LCLAT1: variants seen among roughly 807,000 people sequenced by gnomAD.
The protein encoded by LCLAT1 is 1-AGP acyltransferase 8.
A neutral mutation model predicts 30.7 loss-of-function variants in LCLAT1; 11 were observed. The observed-to-expected ratio is 0.36, with a 90% CI of 0.23 to 0.59. The LOEUF (loss-of-function observed/expected upper bound fraction) is 0.59. Ranked by LOEUF, LCLAT1 falls within the 20% of genes least tolerant of loss-of-function variation. The probability of loss-of-function intolerance (pLI) is 0.77; values close to 1 mark genes in which losing one functional copy is unlikely to be tolerated. For synonymous variants in LCLAT1, 155 were observed against 151.3 expected (o/e 1.02, Z -0.18); for missense variants, 402 against 458.6 (o/e 0.88, Z 1.13).
At chr2:30,549,903 T>A (rs1664605193) in intron 3 of LCLAT1, among the ~76,000 whole-genome samples, 1 of 152,226 alleles carries the variant, frequency 6.6e-6, no homozygotes, top group Non-Finnish European at 1.5e-5. Flanking sequence ...AGTGTTACAC[T>A]GTTGTGTAAT....
chr2:30,491,952 A>G lies in LCLAT1; in HGVS notation c.-4-33635A>G, dbSNP rs138949548. Among the ~76,000 whole-genome samples the G allele has an allele frequency of 4.9e-3, 741 of 152,336 alleles. 18 individuals are homozygous for G. Among genetic ancestry groups the G allele is most frequent in the Admixed American group, 0.038 (578 of 15,298 alleles). ...AAGCTTTAATTGCAAAAAAGATAAA[A>G]TGTGTGTTTTAAACGTTTTTATTCC... On this transcript the variant is annotated intron_variant, in intron 1 of 5. Transcript: ENST00000379509.
chr2:30,579,499 T>A lies in LCLAT1; in HGVS notation c.628+11323T>A, dbSNP rs146674223. Among the ~76,000 whole-genome samples the A allele has an allele frequency of 7.7e-3, 1,169 of 152,266 alleles. 13 individuals carry two copies. The highest frequency in any genetic ancestry group is 0.027 in the African/African-American group (1,108 of 41,556). On this transcript the variant is annotated intron_variant, in intron 5 of 5. Coordinates refer to ENST00000379509, the MANE Select transcript of LCLAT1 (RefSeq NM_001002257.3). ...TATGCATAAATTTGGGAGGTTAGTA[T>A]ATGATCCGGTGTCACAGAAACAGCA...
At chr2:30,559,510 G>T (rs539887612) in intron 3 of LCLAT1, among the ~76,000 whole-genome samples, 19 of 152,192 alleles carry the variant, frequency 1.2e-4, no homozygotes, top group African/African-American at 4.1e-4. Context: ...TTTAATCATT[G>T]TTGCTTCATA....
At chr2:30,459,542 C>T (rs1487536651) in intron 1 of LCLAT1, 3 of 1,023,878 alleles carry the variant, frequency 2.9e-6, no homozygotes, top group African/African-American at 1.6e-5. Flanking sequence ...CCCATTTGTC[C>T]TGTTCACAGG....
chr2:30,640,793 TA>T lies in LCLAT1; in HGVS notation c.*176del. ...GGAAAAATATTGCTACAATTTTTTTTAATCTCTGAATGTAATTTCGATACTG... is the reference window on the plus strand; with the variant it reads ...GGAAAAATATTGCTACAATTTTTTTTATCTCTGAATGTAATTTCGATACTG... On this transcript the variant is annotated 3_prime_UTR_variant, in exon 6 of 6. Coordinates refer to ENST00000379509, the MANE Select transcript of LCLAT1 (RefSeq NM_001002257.3). 1 of 764,952 alleles carries T rather than the reference TA, an allele frequency of 1.3e-6. No individual in the cohort carries two copies. The highest frequency in any genetic ancestry group is 2.0e-6 in the Non-Finnish European group (1 of 496,344). The allele number at this position is 764,952 out of a possible 1,614,324, so 47.4% of individuals were successfully genotyped here.
rs148425410 is a variant in LCLAT1, at chr2:30,620,586, T to C, written c.629-19531T>C. On this transcript the variant is annotated intron_variant, in intron 5 of 5. Coordinates refer to ENST00000379509, the MANE Select transcript of LCLAT1 (RefSeq NM_001002257.3). Reference sequence around the variant, plus strand: ...ATAGCTATTTATAATAGTTGGGTGATCATGCTTCCTTCTTCTCAAAATATG... The same window carrying C: ...ATAGCTATTTATAATAGTTGGGTGACCATGCTTCCTTCTTCTCAAAATATG... 2.0e-3 allele frequency among the ~76,000 whole-genome samples: 304 copies of C among 152,306 alleles called. 2 individuals carry two copies. The highest frequency in any genetic ancestry group is 6.9e-3 in the African/African-American group (288 of 41,574).
intron 5 of LCLAT1, among the ~76,000 whole-genome samples, chr2:30,623,654 C>T (rs1232784908): frequency 6.6e-6 from 1 of 151,906 alleles, no homozygotes; most frequent in African/African-American, 2.4e-5. Context: ...TTGGTGTTCC[C>T]AAGGAAGGGA....
At chr2:30,612,515 C>T (rs1400900134) in intron 5 of LCLAT1, among the ~76,000 whole-genome samples, 1 of 152,144 alleles carries the variant, frequency 6.6e-6, no homozygotes, top group African/African-American at 2.4e-5. Context: ...CCCAGTATAT[C>T]CTCTGAAACA....
chr2:30,575,056 C>T (rs1665935637), intron 5 of LCLAT1, among the ~76,000 whole-genome samples: 1 of 152,148 alleles, frequency 6.6e-6, no homozygotes, highest in African/African-American at 2.4e-5. Flanking sequence ...CTCTTCACTC[C>T]AGTCATGTGG....
intron 1 of LCLAT1, chr2:30,459,760 G>T: frequency 7.1e-7 from 1 of 1,415,044 alleles, no homozygotes. Context: ...TGAGGTTTTT[G>T]TCTTGCTTCA....
rs926028160 is a variant in LCLAT1 at position 30,592,937 on chromosome 2, A to T, written c.628+24761A>T. Reference sequence around the variant, plus strand: ...TTCACATTAGAAACATTTATTAATAATTCTTGCCTTCTAGCTATTTTAAAT... The same window carrying T: ...TTCACATTAGAAACATTTATTAATATTTCTTGCCTTCTAGCTATTTTAAAT... On this transcript the variant is annotated intron_variant, in intron 5 of 5. Transcript: ENST00000379509. 7.2e-5 allele frequency among the ~76,000 whole-genome samples: 11 copies of T among 152,304 alleles called. No homozygotes were observed. In the East Asian group the frequency reaches 1.4e-3, roughly 19 times the overall value.
intron 1 of LCLAT1, among the ~76,000 whole-genome samples, chr2:30,486,494 C>T (rs1445329250): frequency 1.3e-5 from 2 of 152,178 alleles, no homozygotes; most frequent in African/African-American, 4.8e-5. Context: ...TACAGCCAGA[C>T]TTGTCCTCTC....
chr2:30,492,395 A>G (rs1683879562), intron 1 of LCLAT1, among the ~76,000 whole-genome samples: 1 of 152,134 alleles, frequency 6.6e-6, no homozygotes, highest in South Asian at 2.1e-4. Flanking sequence ...GCAAATGCTT[A>G]GACATGAGGT....
chr2:30,643,729 C>T lies in LCLAT1; in HGVS notation c.*3110C>T, dbSNP rs963761093. ...GAGCCTGTTGGTGTTAAATTGTTTACATTTCTTTATACAAATAATGTGCTT... is the reference window on the plus strand; with the variant it reads ...GAGCCTGTTGGTGTTAAATTGTTTATATTTCTTTATACAAATAATGTGCTT... On this transcript the variant is annotated 3_prime_UTR_variant, in exon 6 of 6. Transcript: ENST00000379509. 1 of 152,638 alleles carries T rather than the reference C, an allele frequency of 6.6e-6. No homozygotes were observed. The highest frequency in any genetic ancestry group is 1.5e-5 in the Non-Finnish European group (1 of 68,030). The allele number at this position is 152,638 out of a possible 1,614,324, so 9.5% of individuals were successfully genotyped here.
intron 3 of LCLAT1, among the ~76,000 whole-genome samples, chr2:30,539,608 A>G (rs961776411): frequency 6.6e-6 from 1 of 152,234 alleles, no homozygotes; most frequent in African/African-American, 2.4e-5. Flanking sequence ...TGTATGGATC[A>G]TGCTAAAGTA....
chr2:30,532,978 T>G lies in LCLAT1; in HGVS notation c.166-138T>G, dbSNP rs1164409152. The G allele has an allele frequency of 4.7e-6, 3 of 644,226 alleles. No homozygotes were observed. The East Asian group carries it at 8.2e-5, about 18-fold the overall frequency. The allele number at this position is 644,226 out of a possible 1,614,324, so 39.9% of individuals were successfully genotyped here. ...CTAGATAACCTCACCACTCAATTTT[T>G]TATTATAGAAGCAAGGATCATGGGA... On this transcript the variant is annotated intron_variant, in intron 2 of 5. Coordinates refer to ENST00000379509, the MANE Select transcript of LCLAT1 (RefSeq NM_001002257.3).
intron 1 of LCLAT1, among the ~76,000 whole-genome samples, chr2:30,517,501 G>A (rs556431147): frequency 9.2e-5 from 14 of 152,296 alleles, no homozygotes; most frequent in African/African-American, 3.1e-4. Flanking sequence ...CAATCTCCAA[G>A]CCTCAGCTCC....
At chr2:30,483,805 A>T (rs1683434604) in intron 1 of LCLAT1, among the ~76,000 whole-genome samples, 1 of 152,188 alleles carries the variant, frequency 6.6e-6, no homozygotes, top group South Asian at 2.1e-4. Flanking sequence ...ATTCTACTTT[A>T]TTCTCAAGCC....
chr2:30,590,142 T>C (rs146383737), intron 5 of LCLAT1, among the ~76,000 whole-genome samples: 1 of 152,176 alleles, frequency 6.6e-6, no homozygotes, highest in Non-Finnish European at 1.5e-5. Context: ...GAATCTGTTA[T>C]GTCCATAAGA....
Sources: allele counts gnomAD v4.1 joint callset (sites outside exome capture counted in the v4.1 genomes callset), GRCh38; gene constraint gnomAD v4.1.1; transcripts MANE v1.5; gene names NCBI Gene and HGNC (gene_info 2026-07-23, HGNC 2026-07-21).